Variants in DMC1 observed in about 807,000 individuals in gnomAD.
DMC1 encodes the protein DNA meiotic recombinase 1, also known as meiotic recombination protein DMC1 homolog.
In DMC1, 27 loss-of-function variants were observed where a neutral mutation model predicts 50.1. The ratio of observed to expected loss-of-function variants is 0.54; its 90% CI spans 0.40 to 0.74. The LOEUF (loss-of-function observed/expected upper bound fraction) is 0.74, where lower values mean the gene tolerates loss of function less well. DMC1 is among the 30% of genes least tolerant of loss of function. The probability of loss-of-function intolerance (pLI) is 0.00; values close to 1 mark genes in which losing one functional copy is unlikely to be tolerated. For missense variants in DMC1, 295 were observed against 420.2 expected, an observed-to-expected ratio of 0.70 and a Z score of 2.60; for synonymous variants, 148 against 136.1, an observed-to-expected ratio of 1.09 and a Z score of -0.61.
At chr22:38,538,470 AATAG>A in intron 10 of DMC1, 61 bp from the exon 11 acceptor site, 1 of 1,600,634 alleles carries the variant, frequency 6.2e-7, no homozygotes, top group South Asian at 1.1e-5. Context: ...ACGTTATTTG[AATAG>A]AGATCAATAG....
At chr22:38,543,178 G>C (rs1053005216) in intron 8 of DMC1, among the ~76,000 whole-genome samples, 2 of 151,770 alleles carry the variant, frequency 1.3e-5, no homozygotes, top group African/African-American at 2.4e-5. Flanking sequence ...CACAAGCACA[G>C]TCAACTGTAG....
chr22:38,558,230 C>T (rs1215094666), intron 5 of DMC1, among the ~76,000 whole-genome samples: 1 of 151,226 alleles, frequency 6.6e-6, no homozygotes, highest in Non-Finnish European at 1.5e-5. Flanking sequence ...AGGTGTGAGC[C>T]AGTGCACCTG....
chr22:38,530,570 A>G (rs1294391497), intron 12 of DMC1, among the ~76,000 whole-genome samples: 1 of 152,174 alleles, frequency 6.6e-6, no homozygotes, highest in Non-Finnish European at 1.5e-5. Flanking sequence ...CATTGGGGTC[A>G]CATGAGAATT....
intron 6 of DMC1, among the ~76,000 whole-genome samples, chr22:38,554,559 C>T (rs567691243): frequency 6.6e-5 from 10 of 151,482 alleles, no homozygotes; most frequent in African/African-American, 2.4e-4. Context: ...GAGGATAGGA[C>T]GGGTGCAGTG....
At chr22:38,544,539 A>G (rs2090320724) in intron 8 of DMC1, among the ~76,000 whole-genome samples, 1 of 152,134 alleles carries the variant, frequency 6.6e-6, no homozygotes, top group African/African-American at 2.4e-5. Context: ...GTGTAGAACC[A>G]AGCTGTGCCC....
At chr22:38,522,172 C>T (rs781212043) in intron 12 of DMC1, among the ~76,000 whole-genome samples, 2 of 151,096 alleles carry the variant, frequency 1.3e-5, no homozygotes, top group East Asian at 2.0e-4. Flanking sequence ...AGGCTGGTCT[C>T]GAACTCCTGA....
chr22:38,557,381 C>A (rs1429398608), intron 5 of DMC1, among the ~76,000 whole-genome samples: 1 of 151,624 alleles, frequency 6.6e-6, no homozygotes, highest in South Asian at 2.1e-4. Flanking sequence ...AATAGAGACA[C>A]AAATCAAACC....
chr22:38,531,344 T>C (rs1445562459), intron 12 of DMC1, among the ~76,000 whole-genome samples: 3 of 152,082 alleles, frequency 2.0e-5, no homozygotes, highest in Non-Finnish European at 4.4e-5. Context: ...CTATATCGTA[T>C]GGCAGCTCCT....
chr22:38,555,499 T>A (rs2090460282), intron 5 of DMC1, 90 bp from the exon 6 acceptor site: 1 of 823,196 alleles, frequency 1.2e-6, no homozygotes, highest in African/African-American at 1.7e-5. Context: ...ATCCTTCCTA[T>A]CTATGTATCT....
chr22:38,527,518 T>C (rs1285446414), intron 12 of DMC1, among the ~76,000 whole-genome samples: 1 of 139,904 alleles, frequency 7.1e-6, no homozygotes, highest in Non-Finnish European at 1.6e-5. Flanking sequence ...TTTTTCTCCT[T>C]TTTTTTTTTT....
At chr22:38,558,648 G>C (rs1000921567) in intron 5 of DMC1, among the ~76,000 whole-genome samples, 2 of 151,942 alleles carry the variant, frequency 1.3e-5, no homozygotes, top group African/African-American at 4.8e-5. Context: ...CCAGGAGGCG[G>C]AGGTTGCAGT....
chr22:38,567,470 A>G (rs1452415711), intron 3 of DMC1, 113 bp downstream of exon 3: 1 of 886,986 alleles, frequency 1.1e-6, no homozygotes, highest in Non-Finnish European at 1.9e-6. Flanking sequence ...ACACCCTACA[A>G]TGCACAGGAC....
intron 12 of DMC1, among the ~76,000 whole-genome samples, chr22:38,527,433 G>C (rs960838797): frequency 6.6e-6 from 1 of 151,568 alleles, no homozygotes; most frequent in African/African-American, 2.4e-5. Flanking sequence ...TTGAACTCCC[G>C]ACCTCAAGTG....
the DMC1 span, among the ~76,000 whole-genome samples, chr22:38,509,651 G>T: frequency 6.6e-6 from 1 of 151,764 alleles, no homozygotes; most frequent in Non-Finnish European, 1.5e-5. Flanking sequence ...AATTGTGAGA[G>T]GCCTATGTAG....
In DMC1 at chr22:38,534,050, C is replaced by G. The variant is rs1048911959; in HGVS notation, c.836+3542G>C. 2.0e-5 allele frequency among the ~76,000 whole-genome samples: 3 copies of G among 152,104 alleles called. No homozygotes were observed. In the South Asian group the frequency reaches 6.2e-4, roughly 32 times the overall value. ...CTGTGTTCTACAAAAATGTCGGTGT[C>G]ATAAAAGTCTAACAAAGGTTGAAGA... On this transcript the variant is annotated intron_variant, in intron 12 of 13. Transcript: ENST00000216024.
chr22:38,520,058 C>G lies in DMC1; in HGVS notation c.985G>C (p.Ala329Pro). The G allele has an allele frequency of 6.2e-7, 1 of 1,613,314 alleles. No homozygotes were observed. Among genetic ancestry groups the G allele is most frequent in the Non-Finnish European group, 8.5e-7 (1 of 1,179,516 alleles). Residue 329 changes from alanine to proline, a missense_variant, in exon 14 of 14, where the codon GCA (alanine) becomes CCA (proline). Transcript: ENST00000216024. ...TCCCCAATTCCTCCAGCAGTTATTG[C>G]GAAGGTGGCTTCATTTTCAGGCATC... ...PEMPENEATF[A>P]ITAGGIGDAK...
chr22:38,520,650 G>A (rs1443038115), intron 13 of DMC1, among the ~76,000 whole-genome samples: 9 of 151,898 alleles, frequency 5.9e-5, no homozygotes, highest in Non-Finnish European at 8.8e-5. Context: ...GAGCCACTGC[G>A]CCTGGCCAAC....
chr22:38,569,576 A>G (rs2090617492), intron 1 of DMC1, among the ~76,000 whole-genome samples: 1 of 152,140 alleles, frequency 6.6e-6, no homozygotes, highest in African/African-American at 2.4e-5. Flanking sequence ...GAAGAGAAAA[A>G]CAGCATTCAT....
At chr22:38,566,275 A>G (rs558544571) in intron 4 of DMC1, among the ~76,000 whole-genome samples, 4 of 120,732 alleles carry the variant, frequency 3.3e-5, no homozygotes, top group South Asian at 2.4e-4. Context: ...TCTGTCTCAG[A>G]AAAAAAAAAA....
Sources: allele counts gnomAD v4.1 joint callset (sites outside exome capture counted in the v4.1 genomes callset), GRCh38; gene constraint gnomAD v4.1.1; transcripts MANE v1.5; gene names NCBI Gene and HGNC (gene_info 2026-07-23, HGNC 2026-07-21).